The following PCDHA9 variants were observed in gnomAD, a reference collection of about 807,000 sequenced individuals.
PCDHA9 encodes the protein protocadherin alpha 9.
PCDHA9 carries 62 observed loss-of-function variants against 62.0 expected under a neutral mutation model. That is an observed-to-expected ratio of 1.00 (90% confidence interval 0.81 to 1.23). The LOEUF is 1.23. Ranked by LOEUF, PCDHA9 falls within the 50% of genes most tolerant of loss-of-function variation. The probability of loss-of-function intolerance (pLI) is 0.00; values close to 1 mark genes in which losing one functional copy is unlikely to be tolerated. For synonymous variants in PCDHA9, 557 were observed against 567.6 expected, an observed-to-expected ratio of 0.98 and a Z score of 0.27; for missense variants, 1,205 against 1,249.8, an observed-to-expected ratio of 0.96 and a Z score of 0.54.
Position 140,849,726 on chromosome 5 carries a change from A to G in PCDHA9, c.1231A>G (p.Arg411Gly), listed in dbSNP as rs1554143227. 2.5e-6 allele frequency: 4 copies of G among 1,598,410 alleles called. 1 individual carries two copies. Among genetic ancestry groups the G allele is most frequent in the Non-Finnish European group, 3.4e-6 (4 of 1,168,000 alleles). Residue 411 changes from arginine (R) to glycine (G), a missense_variant, in exon 1 of 4, where the codon AGA (arginine) becomes GGA (glycine). Arg to Gly is a moderately radical substitution (Grantham distance 125). This residue lies in a region of PCDHA9 where 887 missense variants were observed against 809.5 expected (regional missense o/e 1.10). Transcript: ENST00000532602. ...YKNYYSLVLD[R>G]ALDRESVSAY... ...GAATTACTACTCGTTGGTGCTGGAC[A>G]GAGCTCTGGACCGCGAGAGTGTGTC...
At chr5:140,972,027 C>A (rs2096514532) in intron 1 of PCDHA9, among the ~76,000 whole-genome samples, 1 of 152,110 alleles carries the variant, frequency 6.6e-6, no homozygotes, top group African/African-American at 2.4e-5. Flanking sequence ...GATATTCAGG[C>A]ATTTAAGCTA....
chr5:140,968,741 A>T, intron 1 of PCDHA9: 1 of 1,614,106 alleles, frequency 6.2e-7, no homozygotes, highest in Non-Finnish European at 8.5e-7. Context: ...TTTCAACCTG[A>T]CCGTGGTGGT....
In PCDHA9 at chr5:140,858,544, T is replaced by C. The variant is rs782004922; in HGVS notation, c.2394+7655T>C. ...ATATTTCATTTTTGTCTACATTCCA[T>C]TTATGCTTGAATATTTCTAGTGATA... On this transcript the variant is annotated intron_variant, in intron 1 of 3. Transcript: ENST00000532602. 5 of 1,398,226 alleles carry C rather than the reference T, an allele frequency of 3.6e-6. No homozygotes were observed. The South Asian group carries it at 5.0e-5, about 14-fold the overall frequency. 86.6% of individuals were successfully genotyped at this position (1,398,226 alleles called of 1,614,324 possible). A position where few individuals can be genotyped will look rare whatever the true frequency, so the allele number is the denominator to read the frequency against.
intron 1 of PCDHA9, among the ~76,000 whole-genome samples, chr5:140,938,899 A>G (rs1175857132): frequency 1.3e-5 from 2 of 152,000 alleles, no homozygotes; most frequent in African/African-American, 2.4e-5. Context: ...ACAGATGCGC[A>G]CACACACACA....
chr5:140,992,017 C>CTGTGTGTG (rs10602499), intron 3 of PCDHA9, among the ~76,000 whole-genome samples: 149 of 145,626 alleles, frequency 1.0e-3, no homozygotes, highest in African/African-American at 2.4e-3. Flanking sequence ...AGAGGTGGCT[C>CTGTGTGTG]TGTGTGTGTG....
At position 140,857,686 on chromosome 5, in the gene PCDHA9, C is replaced by A; in HGVS notation, c.2394+6797C>A. The A allele has an allele frequency of 3.8e-6, 6 of 1,597,184 alleles. 1 individual carries two copies. Among genetic ancestry groups the A allele is most frequent in the Non-Finnish European group, 5.1e-6 (6 of 1,167,762 alleles). ...ATGGGGGCGTGCCGCCTCTGGGCAG[C>A]AACTTGACGCTGCAGGTGTTCGTGC... On this transcript the variant is annotated intron_variant, in intron 1 of 3. Transcript: ENST00000532602.
chr5:140,950,995 C>G (rs1554219713), intron 1 of PCDHA9, among the ~76,000 whole-genome samples: 1 of 151,856 alleles, frequency 6.6e-6, no homozygotes, highest in Non-Finnish European at 1.5e-5. Flanking sequence ...TCTTTTAGCT[C>G]CATTTTTCCC....
chr5:140,981,024 A>G (rs2096915063), intron 2 of PCDHA9, among the ~76,000 whole-genome samples: 2 of 152,112 alleles, frequency 1.3e-5, no homozygotes, highest in Admixed American at 6.5e-5. Flanking sequence ...AAGGCTGTTA[A>G]TATTTGGGGA....
At chr5:140,954,222 G>A (rs2094999300) in intron 1 of PCDHA9, among the ~76,000 whole-genome samples, 1 of 152,132 alleles carries the variant, frequency 6.6e-6, no homozygotes, top group African/African-American at 2.4e-5. Context: ...TTTTGCTATT[G>A]TGAATAGTGC....
intron 1 of PCDHA9, among the ~76,000 whole-genome samples, chr5:140,942,119 A>T (rs1180591078): frequency 6.6e-6 from 1 of 152,242 alleles, no homozygotes; most frequent in African/African-American, 2.4e-5. Context: ...AACTTTATTA[A>T]AGGTGATATT....
At chr5:141,000,377 C>G (rs1213637729) in intron 3 of PCDHA9, among the ~76,000 whole-genome samples, 1 of 58,954 alleles carries the variant, frequency 1.7e-5, no homozygotes, top group South Asian at 5.5e-4. Flanking sequence ...CTCTCTCTCT[C>G]TCTCTCTCTC....
intron 3 of PCDHA9, among the ~76,000 whole-genome samples, chr5:140,994,064 A>G (rs902624513): frequency 6.6e-6 from 1 of 152,142 alleles, no homozygotes; most frequent in African/African-American, 2.4e-5. Context: ...TATAAATCTA[A>G]TGGTGAAGGG....
intron 1 of PCDHA9, among the ~76,000 whole-genome samples, chr5:140,871,781 T>C (rs2053304252): frequency 6.6e-6 from 1 of 152,238 alleles, no homozygotes. Flanking sequence ...CTGTAGTCAC[T>C]TGAGTAGAAA....
At chr5:140,924,480 T>C (rs2081865040) in intron 1 of PCDHA9, among the ~76,000 whole-genome samples, 1 of 152,178 alleles carries the variant, frequency 6.6e-6, no homozygotes, top group Non-Finnish European at 1.5e-5. Flanking sequence ...TGGTTTTTAG[T>C]GGAACACTGG....
intron 3 of PCDHA9, among the ~76,000 whole-genome samples, chr5:140,987,146 G>A (rs942853645): frequency 1.3e-5 from 2 of 151,812 alleles, no homozygotes; most frequent in Non-Finnish European, 2.9e-5. Flanking sequence ...CTCGGGAGGT[G>A]GAGGTTGCAG....
At chr5:140,885,236 T>C (rs2060525853) in intron 1 of PCDHA9, among the ~76,000 whole-genome samples, 1 of 152,166 alleles carries the variant, frequency 6.6e-6, no homozygotes, top group Non-Finnish European at 1.5e-5. Context: ...CTGCTTTCAA[T>C]TTTTTATTTG....
At chr5:140,853,128 C>T (rs2150528900) in intron 1 of PCDHA9, 17 of 607,300 alleles carry the variant, frequency 2.8e-5, no homozygotes, top group Non-Finnish European at 3.6e-5. Flanking sequence ...ATCCTCCCGC[C>T]TCAGCCTCCC....
intron 1 of PCDHA9, chr5:140,871,118 G>C (rs1554165149): frequency 6.2e-7 from 1 of 1,613,306 alleles, no homozygotes; most frequent in East Asian, 2.2e-5. Flanking sequence ...GTGGAGAGCG[G>C]ACAGGCGCCA....
chr5:140,884,003 G>A, intron 1 of PCDHA9: 4 of 1,613,086 alleles, frequency 2.5e-6, no homozygotes, highest in African/African-American at 1.3e-5. Flanking sequence ...CACAGTGAGC[G>A]AGCTGATGCC....
Sources: gnomAD v4.1 joint callset for allele counts (sites outside exome capture counted in the v4.1 genomes callset) on GRCh38, gnomAD v4.1.1 for gene constraint, gnomAD v4.1.1 regional missense constraint, MANE v1.5 for transcripts, NCBI Gene and HGNC (gene_info 2026-07-23, HGNC 2026-07-21) for gene names.